OTUD7B: variants seen among roughly 807,000 people sequenced by gnomAD.
OTUD7B encodes the protein OTU domain-containing protein 7B.
In OTUD7B, 34 loss-of-function variants were observed where a neutral mutation model predicts 82.2. The ratio of observed to expected loss-of-function variants is 0.41; its 90% CI spans 0.31 to 0.55. OTUD7B has a LOEUF of 0.55. Among genes scored for constraint, OTUD7B ranks in the 20% least tolerant of loss-of-function variants. The probability of loss-of-function intolerance (pLI) is 0.20; values close to 1 mark genes in which losing one functional copy is unlikely to be tolerated. For synonymous variants in OTUD7B, 398 were observed against 402.7 expected (o/e 0.99, Z 0.14); for missense variants, 944 against 1,062.1 (o/e 0.89, Z 1.55).
chr1:150,042,007 T>C, the OTUD7B span, among the ~76,000 whole-genome samples: 265 of 152,250 alleles, frequency 1.7e-3, 1 homozygote, highest in African/African-American at 5.9e-3. Context: ...AATTTCCATT[T>C]TGATTTACCC....
At chr1:150,065,849 G>GTTTTTTTTTTTTTTTTTTTTTT in the OTUD7B span, among the ~76,000 whole-genome samples, 48 of 151,620 alleles carry the variant, frequency 3.2e-4, no homozygotes, top group African/African-American at 1.1e-3. Flanking sequence ...TGTTCAAAAT[G>GTTTTTTTTTTTTTTTTTTTTTT]TTTATGTTCC....
intron 7 of OTUD7B, among the ~76,000 whole-genome samples, chr1:149,951,513 C>A (rs1188740049): frequency 6.6e-6 from 1 of 152,194 alleles, no homozygotes; most frequent in East Asian, 1.9e-4. Context: ...CCACTCCTTT[C>A]CACTTCATTA....
In OTUD7B at chr1:149,937,823, G is replaced by A. The variant is rs952894443; in HGVS notation, c.*6034C>T. ...AATAAAATACAAAATAAGAGTTAAT[G>A]AGCTGCTGTTTTATTGCTTTTGAAT... On this transcript the variant is annotated 3_prime_UTR_variant, in exon 12 of 12. Coordinates refer to ENST00000581312, the MANE Select transcript of OTUD7B (RefSeq NM_020205.4). 1.3e-5 allele frequency: 2 copies of A among 152,160 alleles called. No individual in the cohort carries two copies. Among genetic ancestry groups the A allele is most frequent in the African/African-American group, 4.8e-5 (2 of 41,418 alleles). The allele number at this position is 152,160 out of a possible 1,614,324, so 9.4% of individuals were successfully genotyped here. A position where few individuals can be genotyped will look rare whatever the true frequency, so the allele number is the denominator to read the frequency against.
chr1:150,019,182 A>G, the OTUD7B span, among the ~76,000 whole-genome samples: 1 of 152,074 alleles, frequency 6.6e-6, no homozygotes, highest in Non-Finnish European at 1.5e-5. Context: ...TCCTTTCTCA[A>G]TTCACGTTGC....
the OTUD7B span, among the ~76,000 whole-genome samples, chr1:150,045,868 G>T: frequency 2.0e-4 from 31 of 151,982 alleles, no homozygotes; most frequent in South Asian, 6.4e-3. Flanking sequence ...ATCTTACAGA[G>T]GATATAAACA....
chr1:150,056,315 T>G, the OTUD7B span, among the ~76,000 whole-genome samples: 1 of 152,190 alleles, frequency 6.6e-6, no homozygotes, highest in Admixed American at 6.5e-5. Flanking sequence ...GGAATAAAAC[T>G]TATTCTGTAT....
chr1:149,982,630 T>C (rs1650839821), intron 1 of OTUD7B, among the ~76,000 whole-genome samples: 1 of 151,636 alleles, frequency 6.6e-6, no homozygotes, highest in Non-Finnish European at 1.5e-5. Flanking sequence ...AATCCTACCA[T>C]CTTCCTGAGC....
the OTUD7B span, among the ~76,000 whole-genome samples, chr1:150,031,517 A>C: frequency 6.6e-6 from 1 of 152,250 alleles, no homozygotes; most frequent in African/African-American, 2.4e-5. Context: ...TTTTAATAAA[A>C]CGCTGTGCTT....
intron 7 of OTUD7B, among the ~76,000 whole-genome samples, chr1:149,953,046 G>A (rs1221192208): frequency 6.6e-6 from 1 of 152,148 alleles, no homozygotes; most frequent in Non-Finnish European, 1.5e-5. Flanking sequence ...AAGCTCTTTA[G>A]TTTAATTAGA....
chr1:149,988,355 T>C (rs782000282), intron 1 of OTUD7B, among the ~76,000 whole-genome samples: 15 of 152,014 alleles, frequency 9.9e-5, no homozygotes, highest in Non-Finnish European at 2.1e-4. Flanking sequence ...CAGAAAAAAA[T>C]TTAACTATTT....
intron 3 of OTUD7B, among the ~76,000 whole-genome samples, chr1:149,968,867 C>A (rs1293485339): frequency 6.7e-6 from 1 of 150,242 alleles, no homozygotes; most frequent in Admixed American, 6.6e-5. Context: ...CACGCCACCA[C>A]ACCCAGCTAA....
intron 3 of OTUD7B, among the ~76,000 whole-genome samples, chr1:149,969,855 C>T (rs587698928): frequency 1.3e-5 from 2 of 152,086 alleles, no homozygotes; most frequent in East Asian, 1.9e-4. Context: ...GTGTGCACCA[C>T]CATGCCCAGC....
chr1:150,045,303 A>ACGCT, the OTUD7B span, among the ~76,000 whole-genome samples: 2 of 151,928 alleles, frequency 1.3e-5, no homozygotes, highest in African/African-American at 4.8e-5. Flanking sequence ...CATGTTGGCC[A>ACGCT]CGCTGGTCTC....
chr1:150,022,577 G>A, the OTUD7B span, among the ~76,000 whole-genome samples: 68 of 152,138 alleles, frequency 4.5e-4, no homozygotes, highest in African/African-American at 1.5e-3. Context: ...CCAGCCTAGC[G>A]GTAGTGCCTC....
intron 1 of OTUD7B, among the ~76,000 whole-genome samples, chr1:149,985,325 T>C (rs1207194375): frequency 6.6e-6 from 1 of 152,150 alleles, no homozygotes; most frequent in African/African-American, 2.4e-5. Context: ...GGAGAATCAC[T>C]TGAACCTGGG....
At chr1:150,058,078 G>A in the OTUD7B span, among the ~76,000 whole-genome samples, 1 of 152,202 alleles carries the variant, frequency 6.6e-6, no homozygotes, top group Non-Finnish European at 1.5e-5. Context: ...GTAAAGAATA[G>A]TATTAAAGCT....
chr1:149,986,071 A>G (rs1292531412), intron 1 of OTUD7B, among the ~76,000 whole-genome samples: 1 of 152,056 alleles, frequency 6.6e-6, no homozygotes, highest in Non-Finnish European at 1.5e-5. Context: ...CATAATGTTT[A>G]TCACCCTGCA....
intron 2 of OTUD7B, among the ~76,000 whole-genome samples, chr1:149,976,237 C>T (rs1219426221): frequency 6.6e-6 from 1 of 151,954 alleles, no homozygotes. Context: ...CTGTTTGTGT[C>T]ATTACATATT....
At chr1:149,986,025 T>C (rs1391996994) in intron 1 of OTUD7B, among the ~76,000 whole-genome samples, 1 of 152,168 alleles carries the variant, frequency 6.6e-6, no homozygotes, top group Non-Finnish European at 1.5e-5. Context: ...CACTTCTTTC[T>C]TGGTGCCCCC....
Sources: gnomAD v4.1 joint callset for allele counts (sites outside exome capture counted in the v4.1 genomes callset) on GRCh38, gnomAD v4.1.1 for gene constraint, MANE v1.5 for transcripts, NCBI Gene and HGNC (gene_info 2026-07-23, HGNC 2026-07-21) for gene names.